Variants in METTL8 observed in about 807,000 individuals in gnomAD.
The protein encoded by METTL8 is methyltransferase 8, tRNA N3-cytidine.
A neutral mutation model predicts 48.7 loss-of-function variants in METTL8; 32 were observed. The observed-to-expected ratio is 0.66, with a 90% CI of 0.50 to 0.88. The LOEUF is 0.88. Among genes scored for constraint, METTL8 ranks in the 40% least tolerant of loss-of-function variants. METTL8 has a pLI of 0.00. For missense variants in METTL8, 464 were observed against 474.4 expected (o/e 0.98, Z 0.20); for synonymous variants, 136 against 157.1 (o/e 0.87, Z 1.01).
intron 2 of METTL8, among the ~76,000 whole-genome samples, chr2:171,366,313 C>T (rs1188996135): frequency 6.6e-6 from 1 of 152,148 alleles, no homozygotes; most frequent in Non-Finnish European, 1.5e-5. Flanking sequence ...AAGAACCACA[C>T]TAGACTCAGG....
At chr2:171,330,446 G>A (rs1685400160) in intron 7 of METTL8, 113 bp downstream of exon 7, 3 of 994,722 alleles carry the variant, frequency 3.0e-6, no homozygotes, top group Non-Finnish European at 4.5e-6. Context: ...TATACATAAT[G>A]TTGCTCACTA....
rs577939922 is a variant in METTL8, at chr2:171,339,824, G to A, written c.236-270C>T. ...TTAATAGTTTAGCCAATTTTTGTGA[G>A]AAATATAATCACTGCAAACAACTTT... is the stretch of plus-strand genomic sequence containing the variant. On this transcript the variant is annotated intron_variant, in intron 3 of 9. Coordinates refer to ENST00000375258, the MANE Select transcript of METTL8 (RefSeq NM_001321154.2). Among the ~76,000 whole-genome samples the A allele has an allele frequency of 2.0e-5, 3 of 152,324 alleles. No individual in the cohort carries two copies. In the South Asian group the frequency reaches 6.2e-4, roughly 32 times the overall value.
Position 171,322,743 on chromosome 2 carries a change from CAAAAAA to C in METTL8, c.*1423_*1428del, listed in dbSNP as rs34093427. 8 of 108,294 alleles carry C rather than the reference CAAAAAA, an allele frequency of 7.4e-5. No individual in the cohort carries two copies. Among genetic ancestry groups the C allele is most frequent in the East Asian group, 2.6e-4 (1 of 3,812 alleles). 6.7% of individuals were successfully genotyped at this position (108,294 alleles called of 1,614,324 possible). On this transcript the variant is annotated 3_prime_UTR_variant, in exon 10 of 10. Coordinates refer to ENST00000375258, the MANE Select transcript of METTL8 (RefSeq NM_001321154.2). ...TGGGTGCCAGAGCAAGACTCCATCTCAAAAAAAAAAAAAAAAAAAAAGTAAAACATA... is the reference window on the plus strand; with the variant it reads ...TGGGTGCCAGAGCAAGACTCCATCTCAAAAAAAAAAAAAAAGTAAAACATA...
rs1684277753 is a variant in METTL8, at chr2:171,316,634, T to G, written c.*7538A>C. ...GAAAGGATAGATCTTCCTTGCTTTT[T>G]GGGATCCTGAATTTCATCTTTCATT... On this transcript the variant is annotated 3_prime_UTR_variant, in exon 10 of 10. Coordinates refer to ENST00000375258, the MANE Select transcript of METTL8 (RefSeq NM_001321154.2). Among the ~76,000 whole-genome samples the G allele has an allele frequency of 6.6e-6, 1 of 152,224 alleles. No individual in the cohort carries two copies. Among genetic ancestry groups the G allele is most frequent in the African/African-American group, 2.4e-5 (1 of 41,468 alleles).
At chr2:171,341,340 AAATT>A (rs1252027446) in intron 3 of METTL8, among the ~76,000 whole-genome samples, 9 of 151,864 alleles carry the variant, frequency 5.9e-5, no homozygotes, top group African/African-American at 1.9e-4. Context: ...AAAAAAAAAA[AAATT>A]AATAAAGTAA....
intron 1 of METTL8, among the ~76,000 whole-genome samples, chr2:171,399,420 A>T (rs193132071): frequency 3.9e-4 from 59 of 152,296 alleles, no homozygotes; most frequent in Non-Finnish European, 6.6e-4. Flanking sequence ...AAATGTATAA[A>T]AGGACTTGGG....
chr2:171,429,092 C>G (rs796260159), intron 1 of METTL8, among the ~76,000 whole-genome samples: 6 of 151,722 alleles, frequency 4.0e-5, no homozygotes, highest in African/African-American at 1.5e-4. Context: ...GTAGGAGAAA[C>G]CTTTCATTTT....
intron 1 of METTL8, among the ~76,000 whole-genome samples, chr2:171,409,237 G>A (rs4566333): frequency 0.054 from 8,242 of 152,164 alleles, 242 homozygotes; most frequent in African/African-American, 0.072. Context: ...CAGTGCGTTC[G>A]TAAAATTGAG....
intron 1 of METTL8, among the ~76,000 whole-genome samples, chr2:171,421,221 C>G (rs529508784): frequency 6.6e-6 from 1 of 152,242 alleles, no homozygotes; most frequent in African/African-American, 2.4e-5. Flanking sequence ...GATCAATATA[C>G]AAACAGACAA....
chr2:171,380,098 G>T (rs1025672684), intron 2 of METTL8, among the ~76,000 whole-genome samples: 1 of 152,164 alleles, frequency 6.6e-6, no homozygotes, highest in Non-Finnish European at 1.5e-5. Context: ...TTCAGCATAT[G>T]CAAATCAATA....
At chr2:171,339,576 A>C in intron 3 of METTL8, 22 bp from the exon 4 acceptor site, 1 of 1,332,452 alleles carries the variant, frequency 7.5e-7, no homozygotes, top group Non-Finnish European at 1.0e-6. Context: ...AGGAAAAAGA[A>C]AGATTTATTT....
rs1387245153 is a variant in METTL8, at chr2:171,316,038, T to C, written c.*8134A>G. Among the ~76,000 whole-genome samples, 1 of 152,226 alleles carries C rather than the reference T, an allele frequency of 6.6e-6. No homozygotes were observed. The highest frequency in any genetic ancestry group is 2.4e-5 in the African/African-American group (1 of 41,464). On this transcript the variant is annotated 3_prime_UTR_variant, in exon 10 of 10. Coordinates refer to ENST00000375258, the MANE Select transcript of METTL8 (RefSeq NM_001321154.2). ...TAGGTGAAAAACAGCAAAGAGGTAA[T>C]TCTTTATTCTCGAGAGCTTCCTCGT...
chr2:171,380,992 C>A lies in METTL8; in HGVS notation c.143+11051G>T, dbSNP rs548093371. Among the ~76,000 whole-genome samples, 24 of 152,358 alleles carry A rather than the reference C, an allele frequency of 1.6e-4. 1 individual carries two copies. Among genetic ancestry groups the A allele is most frequent in the South Asian group, 8.3e-4 (4 of 4,828 alleles). On this transcript the variant is annotated intron_variant, in intron 2 of 9. Transcript: ENST00000375258. Reference sequence around the variant, plus strand: ...CTGGAGGCATCATGCTACCTGACTTCAAACTATACTACAGGGCTACAGTAA... The same window carrying A: ...CTGGAGGCATCATGCTACCTGACTTAAAACTATACTACAGGGCTACAGTAA...
At chr2:171,353,816 A>C (rs1189811608) in intron 3 of METTL8, among the ~76,000 whole-genome samples, 1 of 152,032 alleles carries the variant, frequency 6.6e-6, no homozygotes, top group East Asian at 1.9e-4. Context: ...TGCTTGGTAG[A>C]TCTTCCTCCA....
intron 7 of METTL8, among the ~76,000 whole-genome samples, chr2:171,329,455 A>G (rs931885440): frequency 2.6e-5 from 4 of 152,196 alleles, no homozygotes; most frequent in African/African-American, 9.7e-5. Context: ...TTAACTGTTC[A>G]TATAAGGAAA....
chr2:171,391,065 T>C (rs1365342771), intron 2 of METTL8, among the ~76,000 whole-genome samples: 1 of 152,178 alleles, frequency 6.6e-6, no homozygotes, highest in Non-Finnish European at 1.5e-5. Context: ...AACTCCATTG[T>C]TGTCTTATTT....
intron 1 of METTL8, among the ~76,000 whole-genome samples, chr2:171,393,126 A>T (rs1359443066): frequency 1.3e-5 from 2 of 151,678 alleles, no homozygotes; most frequent in Non-Finnish European, 2.9e-5. Context: ...ACAAAACAAA[A>T]ATGCATGCTT....
intron 3 of METTL8, among the ~76,000 whole-genome samples, chr2:171,353,182 TG>T (rs1684141363): frequency 6.6e-6 from 1 of 152,230 alleles, no homozygotes; most frequent in Non-Finnish European, 1.5e-5. Flanking sequence ...TTGTTCTCAT[TG>T]GTTTCAAAGA....
rs1574243244 is a variant in METTL8 at position 171,424,073 on chromosome 2, C to T, written c.-13+9810G>A. 2.6e-5 allele frequency among the ~76,000 whole-genome samples: 4 copies of T among 152,238 alleles called. No homozygotes were observed. The South Asian group carries it at 8.3e-4, about 32-fold the overall frequency. ...CAAGGTACAGCACAGGCCATGGCTT[C>T]AGAGGGGACAAGCTCCAAGCCTTGG... On this transcript the variant is annotated intron_variant, in intron 1 of 9. Coordinates refer to ENST00000375258, the MANE Select transcript of METTL8 (RefSeq NM_001321154.2).
Sources: gnomAD v4.1 joint callset for allele counts (sites outside exome capture counted in the v4.1 genomes callset) on GRCh38, gnomAD v4.1.1 for gene constraint, MANE v1.5 for transcripts, NCBI Gene and HGNC (gene_info 2026-07-23, HGNC 2026-07-21) for gene names.